The following CMSS1 variants were observed in gnomAD, a reference collection of about 807,000 sequenced individuals.
CMSS1 encodes cms1 ribosomal small subunit homolog.
CMSS1 carries 33 observed loss-of-function variants against 43.5 expected under a neutral mutation model. That is an observed-to-expected ratio of 0.76 (90% CI 0.57 to 1.01). The LOEUF is 1.01. CMSS1 is among the 50% of genes least tolerant of loss of function. CMSS1 has a pLI of 0.00. For missense variants in CMSS1, 313 were observed against 326.4 expected (o/e 0.96, Z 0.32); for synonymous variants, 115 against 117.2 (o/e 0.98, Z 0.12).
chr3:100,112,569 T>G (rs1164451606), intron 1 of CMSS1, among the ~76,000 whole-genome samples: 1 of 152,218 alleles, frequency 6.6e-6, no homozygotes, highest in African/African-American at 2.4e-5. Context: ...ACACATGAAC[T>G]TTAATAGAAG....
chr3:99,872,269 C>CTCTGTGTGTG (rs1457646701), intron 1 of CMSS1, among the ~76,000 whole-genome samples: 1 of 110,740 alleles, frequency 9.0e-6, no homozygotes, highest in Non-Finnish European at 1.9e-5. Flanking sequence ...TGTGCCAGGA[C>CTCTGTGTGTG]TGTGTGTGTG....
At chr3:100,033,549 G>C (rs2065055418) in intron 1 of CMSS1, among the ~76,000 whole-genome samples, 1 of 152,164 alleles carries the variant, frequency 6.6e-6, no homozygotes, top group Non-Finnish European at 1.5e-5. Context: ...GTGTTAACTT[G>C]CCTGCACCAA....
At chr3:99,908,540 A>T (rs1706692993) in intron 1 of CMSS1, among the ~76,000 whole-genome samples, 1 of 152,178 alleles carries the variant, frequency 6.6e-6, no homozygotes, top group Non-Finnish European at 1.5e-5. Context: ...ACTGGCAAAG[A>T]AGTGTTAAGA....
intron 1 of CMSS1, among the ~76,000 whole-genome samples, chr3:99,954,143 G>T (rs764940158): frequency 2.8e-4 from 42 of 152,246 alleles, no homozygotes; most frequent in Non-Finnish European, 5.7e-4. Flanking sequence ...TAACTGTGAG[G>T]TACAAATATT....
chr3:100,002,209 A>G (rs538807142), intron 1 of CMSS1, among the ~76,000 whole-genome samples: 10 of 152,302 alleles, frequency 6.6e-5, no homozygotes, highest in African/African-American at 2.2e-4. Flanking sequence ...TGCTGGGTAA[A>G]TCACGCACAG....
intron 1 of CMSS1, among the ~76,000 whole-genome samples, chr3:99,827,797 G>T (rs189772214): frequency 3.9e-5 from 6 of 152,000 alleles, no homozygotes; most frequent in African/African-American, 9.6e-5. Context: ...TAGAGACGAG[G>T]TTTCTCCACG....
Position 99,948,350 on chromosome 3 carries a change from A to T in CMSS1, c.64+130307A>T, listed in dbSNP as rs539313112. Among the ~76,000 whole-genome samples the T allele has an allele frequency of 1.3e-3, 205 of 152,112 alleles. 1 individual carries two copies. The highest frequency in any genetic ancestry group is 1.9e-3 in the Non-Finnish European group (126 of 68,004). On this transcript the variant is annotated intron_variant, in intron 1 of 9. Transcript: ENST00000421999. ...TCCAAAAAAATAAAAAAATTAAAAAATTTTTTAAAAATTAAGTAAAAATAA... is the reference window on the plus strand; with the variant it reads ...TCCAAAAAAATAAAAAAATTAAAAATTTTTTTAAAAATTAAGTAAAAATAA...
intron 1 of CMSS1, among the ~76,000 whole-genome samples, chr3:100,003,499 TCAAAA>T (rs1194868641): frequency 6.6e-6 from 1 of 152,224 alleles, no homozygotes; most frequent in Admixed American, 6.5e-5. Context: ...CTTTTGAATC[TCAAAA>T]CAACCCTGTG....
chr3:99,971,567 A>G (rs1039915939), intron 1 of CMSS1, among the ~76,000 whole-genome samples: 60 of 152,226 alleles, frequency 3.9e-4, no homozygotes, highest in Non-Finnish European at 6.8e-4. Flanking sequence ...CCTCACTTCC[A>G]AAATTCCCAC....
chr3:100,084,279 C>T (rs1404679827), intron 1 of CMSS1, among the ~76,000 whole-genome samples: 1 of 152,112 alleles, frequency 6.6e-6, no homozygotes, highest in African/African-American at 2.4e-5. Context: ...AGTCTCCTAC[C>T]TGCTATTTTT....
intron 1 of CMSS1, chr3:99,849,086 G>A: frequency 6.2e-7 from 1 of 1,614,074 alleles, no homozygotes; most frequent in Non-Finnish European, 8.5e-7. Context: ...TTCATCCAGG[G>A]AATCCATAGC....
chr3:99,850,073 CTGT>C, intron 1 of CMSS1: 1 of 1,612,764 alleles, frequency 6.2e-7, no homozygotes, highest in Non-Finnish European at 8.5e-7. Context: ...TTCTCAGTAA[CTGT>C]TGTTACTTTA....
chr3:100,018,947 T>G (rs768452711), intron 1 of CMSS1, among the ~76,000 whole-genome samples: 9 of 152,096 alleles, frequency 5.9e-5, no homozygotes, highest in Non-Finnish European at 7.4e-5. Context: ...TAAAAAGGTG[T>G]TGAACTTCAC....
At chr3:100,135,438 A>ATATGTG (rs1491195525) in intron 1 of CMSS1, among the ~76,000 whole-genome samples, 4 of 120,734 alleles carry the variant, frequency 3.3e-5, no homozygotes, top group African/African-American at 9.8e-5. Flanking sequence ...GTGTGTGTGC[A>ATATGTG]TGTGTGTGTG....
rs397990626 is a variant in CMSS1, at chr3:99,983,389, AATATATAT to A, written c.65-163561_65-163554del. Among the ~76,000 whole-genome samples, 6 of 40,788 alleles carry A rather than the reference AATATATAT, an allele frequency of 1.5e-4. 1 individual carries two copies. Among genetic ancestry groups the A allele is most frequent in the African/African-American group, 4.1e-4 (4 of 9,784 alleles). The allele number at this position is 40,788 out of a possible 152,430, so 26.8% of individuals were successfully genotyped here. A position where few individuals can be genotyped will look rare whatever the true frequency, so the allele number is the denominator to read the frequency against. On this transcript the variant is annotated intron_variant, in intron 1 of 9. Transcript: ENST00000421999. ...TCTCTACTTAAAAAATAAATAAATAAATATATATATATATATATATATATATATATGTA... is the reference window on the plus strand; with the variant it reads ...TCTCTACTTAAAAAATAAATAAATAAATATATATATATATATATATATGTA...
At chr3:100,141,265 CA>C (rs1363973268) in intron 1 of CMSS1, among the ~76,000 whole-genome samples, 1 of 152,184 alleles carries the variant, frequency 6.6e-6, no homozygotes, top group Admixed American at 6.5e-5. Flanking sequence ...GAACAGCTAG[CA>C]ATCATTTGAT....
intron 1 of CMSS1, among the ~76,000 whole-genome samples, chr3:99,971,131 A>T (rs1213697485): frequency 6.6e-6 from 1 of 152,084 alleles, no homozygotes; most frequent in Admixed American, 6.5e-5. Flanking sequence ...AGGTCAGGAG[A>T]TCGAGACCAT....
chr3:99,939,314 C>T (rs561352704), intron 1 of CMSS1, among the ~76,000 whole-genome samples: 5 of 152,166 alleles, frequency 3.3e-5, no homozygotes, highest in African/African-American at 9.7e-5. Context: ...AACTTTAGTT[C>T]GTGTATCCTG....
intron 1 of CMSS1, among the ~76,000 whole-genome samples, chr3:100,092,502 T>C (rs1325532857): frequency 6.6e-6 from 1 of 151,820 alleles, no homozygotes; most frequent in Non-Finnish European, 1.5e-5. Context: ...CAAATGGAAG[T>C]TAAGGTCTAA....
Sources: allele counts gnomAD v4.1 joint callset (sites outside exome capture counted in the v4.1 genomes callset), GRCh38; gene constraint gnomAD v4.1.1; transcripts MANE v1.5; gene names NCBI Gene and HGNC (gene_info 2026-07-23, HGNC 2026-07-21).